AHDC1: variants seen among roughly 807,000 people sequenced by gnomAD.
AHDC1 encodes the protein AT-hook DNA binding motif containing 1.
In AHDC1, 7 loss-of-function variants were observed where a neutral mutation model predicts 87.9. The observed-to-expected ratio is 0.08, with a 90% CI of 0.05 to 0.15. AHDC1 has a LOEUF of 0.15. AHDC1 is among the 10% of genes least tolerant of loss of function. The pLI is 1.00. For synonymous variants in AHDC1, 1,051 were observed against 1,006.8 expected, an observed-to-expected ratio of 1.04 and a Z score of -0.83; for missense variants, 1,841 against 2,253.2, an observed-to-expected ratio of 0.82 and a Z score of 3.70.
In AHDC1 at chr1:27,549,614, G is replaced by C; in HGVS notation, c.2502C>G (p.Asn834Lys). The part of the protein sequence containing the change: ...GQTELSQERQ[N>K]LFTGYFRSLL... Reference sequence around the variant, plus strand: ...GCGAGCGAAAGTAGCCGGTGAAGAGGTTTTGGCGCTCCTGGCTGAGCTCGG... The same window carrying C: ...GCGAGCGAAAGTAGCCGGTGAAGAGCTTTTGGCGCTCCTGGCTGAGCTCGG... Residue 834 changes from asparagine (N) to lysine (K), a missense_variant, in exon 8 of 9, where the codon AAC becomes AAG. Around this residue, in one of 13 missense-constraint regions of AHDC1, gnomAD observed 8 missense variants for 28.5 expected, o/e 0.28. Coordinates refer to ENST00000673934, the MANE Select transcript of AHDC1 (RefSeq NM_001371928.1). The C allele has an allele frequency of 6.2e-7, 1 of 1,613,198 alleles. No individual in the cohort carries two copies. Among genetic ancestry groups the C allele is most frequent in the South Asian group, 1.1e-5 (1 of 91,090 alleles).
chr1:27,561,568 C>G lies in AHDC1; in HGVS notation c.-628-2685G>C, dbSNP rs1005420274. Among the ~76,000 whole-genome samples the G allele has an allele frequency of 2.0e-5, 3 of 152,048 alleles. No homozygotes were observed. Among genetic ancestry groups the G allele is most frequent in the African/African-American group, 4.8e-5 (2 of 41,370 alleles). On this transcript the variant is annotated intron_variant, in intron 3 of 8. Coordinates refer to ENST00000673934, the MANE Select transcript of AHDC1 (RefSeq NM_001371928.1). The surrounding 1 kb of genome is among the most constrained non-coding windows in gnomAD (Gnocchi z 4.2). ...AAGGCTCCCTTCACGGTGCTCCAGG[C>G]GCAAGGCAGAATCACATGTTTCCCA...
At chr1:27,576,825 C>G (rs906451794) in intron 3 of AHDC1, among the ~76,000 whole-genome samples, 11 of 152,306 alleles carry the variant, frequency 7.2e-5, no homozygotes, top group African/African-American at 2.4e-4. Context: ...GTCACCCTTA[C>G]AACAGTGGAG....
rs2020042488 is a variant in AHDC1, at chr1:27,560,786, G to A, written c.-628-1903C>T. ...TCAACATGTGTGAGCAGGTCTGTGT[G>A]CCATGGTGTGTCAGCACAACGGTGC... is the stretch of plus-strand genomic sequence containing the variant. On this transcript the variant is annotated intron_variant, in intron 3 of 8. Coordinates refer to ENST00000673934, the MANE Select transcript of AHDC1 (RefSeq NM_001371928.1). This position sits in a 1 kb window ranked among gnomAD's most constrained non-coding sequence, Gnocchi z 4.1. 6.6e-6 allele frequency among the ~76,000 whole-genome samples: 1 copy of A among 152,176 alleles called. No homozygotes were observed. Among genetic ancestry groups the A allele is most frequent in the Admixed American group, 6.5e-5 (1 of 15,282 alleles).
intron 3 of AHDC1, among the ~76,000 whole-genome samples, chr1:27,566,322 G>A (rs758380632): frequency 1.3e-5 from 2 of 151,222 alleles, no homozygotes; most frequent in Non-Finnish European, 2.9e-5. Flanking sequence ...GAGAGGGAGA[G>A]AGAGGGCGAC....
intron 3 of AHDC1, among the ~76,000 whole-genome samples, chr1:27,579,018 G>A (rs1036340719): frequency 6.7e-6 from 1 of 149,818 alleles, no homozygotes; most frequent in Non-Finnish European, 1.5e-5. Flanking sequence ...TCTATTATGT[G>A]TCTACTGGAT....
chr1:27,552,379 C>A (rs1163741945), intron 7 of AHDC1, 190 bp from the exon 8 acceptor site: 9 of 441,520 alleles, frequency 2.0e-5, no homozygotes, highest in East Asian at 1.1e-4. Context: ...GTATAGTGAG[C>A]CCCTCATGGG....
intron 3 of AHDC1, among the ~76,000 whole-genome samples, chr1:27,601,854 C>A (rs148024029): frequency 1.3e-5 from 2 of 152,326 alleles, no homozygotes; most frequent in Non-Finnish European, 2.9e-5. Context: ...GCACATGCCC[C>A]CGCCCAGCCG....
rs1408473305 is a variant in AHDC1, at chr1:27,547,243, C to G, written c.*43+18G>C. On this transcript the variant is annotated intron_variant, in intron 8 of 8. Transcript: ENST00000673934. The surrounding 1 kb of genome is among the most constrained non-coding windows in gnomAD (Gnocchi z 4.9). Reference sequence around the variant, plus strand: ...ACCCCCAGGCCTCTGCCCACTGCGCCCACATCCCCAGACTCACCCAGGAAC... The same window carrying G: ...ACCCCCAGGCCTCTGCCCACTGCGCGCACATCCCCAGACTCACCCAGGAAC... The G allele has an allele frequency of 2.0e-6, 3 of 1,482,942 alleles. No homozygotes were observed. Among genetic ancestry groups the G allele is most frequent in the Non-Finnish European group, 2.7e-6 (3 of 1,109,658 alleles). The allele number at this position is 1,482,942 out of a possible 1,614,324, so 91.9% of individuals were successfully genotyped here. A position where few individuals can be genotyped will look rare whatever the true frequency, so the allele number is the denominator to read the frequency against.
In AHDC1 at chr1:27,561,759, CAG is replaced by C. The variant is rs908109342; in HGVS notation, c.-628-2878_-628-2877del. ...AGAGAGGAAGAGGGAGAAAGATACA[CAG>C]GGAGACACAGAGACATGGGGAGAGA... On this transcript the variant is annotated intron_variant, in intron 3 of 8. Transcript: ENST00000673934. The surrounding 1 kb of genome is among the most constrained non-coding windows in gnomAD (Gnocchi z 4.2). Among the ~76,000 whole-genome samples the C allele has an allele frequency of 7.9e-5, 12 of 151,970 alleles. No individual in the cohort carries two copies. The highest frequency in any genetic ancestry group is 2.7e-4 in the African/African-American group (11 of 41,426).
At position 27,563,446 on chromosome 1, in the gene AHDC1, A is replaced by T. The variant is rs1229565993; in HGVS notation, c.-628-4563T>A. On this transcript the variant is annotated intron_variant, in intron 3 of 8. Transcript: ENST00000673934. The surrounding 1 kb of genome is among the most constrained non-coding windows in gnomAD (Gnocchi z 6.1). ...ACCACACAGCATGAGGCAGGGACAT[A>T]ACCTCGCCCCTGCCTGGGAATCCTC... is the stretch of plus-strand genomic sequence containing the variant. Among the ~76,000 whole-genome samples the T allele has an allele frequency of 6.6e-6, 1 of 152,180 alleles. No homozygotes were observed. Among genetic ancestry groups the T allele is most frequent in the Non-Finnish European group, 1.5e-5 (1 of 68,020 alleles).
In AHDC1 at chr1:27,549,711, G is replaced by A. The variant is rs1288421068; in HGVS notation, c.2405C>T (p.Ala802Val). The change falls in exon 8 of 9, where the codon GCC becomes GTC. Residue 802 changes from alanine (A) to valine (V), a missense_variant. Around this residue, in one of 13 missense-constraint regions of AHDC1, gnomAD observed 236 missense variants for 257.9 expected, o/e 0.92. Coordinates refer to ENST00000673934, the MANE Select transcript of AHDC1 (RefSeq NM_001371928.1). The stretch of plus-strand genomic sequence containing the variant: ...GGCTCCACTCTCCAGCCCAGTGGAG[G>A]CAAAGGCCCGGGCCTCGGTCCCCTG... The part of the protein sequence containing the change: ...GFQGTEARAF[A>V]STGLESGASG... The A allele has an allele frequency of 1.2e-6, 2 of 1,612,888 alleles. No homozygotes were observed. Among genetic ancestry groups the A allele is most frequent in the East Asian group, 2.2e-5 (1 of 44,852 alleles).
rs767682468 is a variant in AHDC1, at chr1:27,565,961, C to A, written c.-628-7078G>T. Among the ~76,000 whole-genome samples, 2 of 152,176 alleles carry A rather than the reference C, an allele frequency of 1.3e-5. No homozygotes were observed. The highest frequency in any genetic ancestry group is 2.9e-5 in the Non-Finnish European group (2 of 68,024). ...AACCTTGCACCCTCCATTTCAGGTT[C>A]AACCACATAAGCCCAGTGGGGCTTC... On this transcript the variant is annotated intron_variant, in intron 3 of 8. Transcript: ENST00000673934. The surrounding 1 kb of genome is among the most constrained non-coding windows in gnomAD (Gnocchi z 4.6).
chr1:27,550,685 C>T lies in AHDC1; in HGVS notation c.1431G>A (p.Lys477=). 6.2e-7 allele frequency: 1 copy of T among 1,612,724 alleles called. No homozygotes were observed. The highest frequency in any genetic ancestry group is 8.5e-7 in the Non-Finnish European group (1 of 1,179,708). ...CCAGCGATACGGGGATCTTGGCCAT[C>T]TTCACCACCATGCGCCGCACGCCCC... The part of the protein sequence containing the change: ...KCRGVRRMVV[K]MAKIPVSLGR... Residue 477 remains lysine, a synonymous_variant, in exon 8 of 9, where the codon AAG becomes AAA. Coordinates refer to ENST00000673934, the MANE Select transcript of AHDC1 (RefSeq NM_001371928.1).
Position 27,549,434 on chromosome 1 carries a change from C to T in AHDC1, c.2682G>A (p.Lys894=), listed in dbSNP as rs1182330891. The change falls in exon 8 of 9, where the codon AAG becomes AAA. Residue 894 remains lysine, a synonymous_variant. Coordinates refer to ENST00000673934, the MANE Select transcript of AHDC1 (RefSeq NM_001371928.1). The part of the protein sequence containing the change: ...GLATFPSRGA[K]ASPVAVGSSG... ...TGCTACCCACTGCCACTGGGCTGGC[C>T]TTGGCTCCCCGGCTAGGGAAGGTGG... 1 of 1,612,854 alleles carries T rather than the reference C, an allele frequency of 6.2e-7. No individual in the cohort carries two copies. Among genetic ancestry groups the T allele is most frequent in the Non-Finnish European group, 8.5e-7 (1 of 1,179,806 alleles).
intron 3 of AHDC1, among the ~76,000 whole-genome samples, chr1:27,588,174 C>A (rs1462513506): frequency 6.6e-6 from 1 of 152,226 alleles, no homozygotes; most frequent in Non-Finnish European, 1.5e-5. Flanking sequence ...ACACTTGATT[C>A]ACTTTCAGGC....
At chr1:27,583,377 A>G (rs2088961366) in intron 3 of AHDC1, among the ~76,000 whole-genome samples, 1 of 151,834 alleles carries the variant, frequency 6.6e-6, no homozygotes, top group Non-Finnish European at 1.5e-5. Context: ...ATCTCTTTCA[A>G]CTACCCATTT....
rs1416657462 is a variant in AHDC1, at chr1:27,565,474, G to A, written c.-628-6591C>T. 1.3e-5 allele frequency among the ~76,000 whole-genome samples: 2 copies of A among 152,202 alleles called. No homozygotes were observed. The highest frequency in any genetic ancestry group is 4.8e-5 in the African/African-American group (2 of 41,448). On this transcript the variant is annotated intron_variant, in intron 3 of 8. Transcript: ENST00000673934. This position sits in a 1 kb window ranked among gnomAD's most constrained non-coding sequence, Gnocchi z 4.6. ...GCAGGGGCTGCCAGTCTTGAAGGGAGGCGAGGCACTGTCCTCCACCCAACC... is the reference window on the plus strand; with the variant it reads ...GCAGGGGCTGCCAGTCTTGAAGGGAAGCGAGGCACTGTCCTCCACCCAACC...
At chr1:27,578,586 C>T (rs906607935) in intron 3 of AHDC1, among the ~76,000 whole-genome samples, 3 of 149,768 alleles carry the variant, frequency 2.0e-5, no homozygotes, top group Non-Finnish European at 3.0e-5. Flanking sequence ...AAGACTCCCT[C>T]TCAAAAAAAA....
At position 27,547,346 on chromosome 1, in the gene AHDC1, C is replaced by T. The variant is rs756868783; in HGVS notation, c.4770G>A (p.Ala1590=). ...GPKSGFLGPM[A]EPHPEDTFTV... ...TGAATGTGTCCTCGGGGTGAGGTTC[C>T]GCCATGGGCCCCAGGAAGCCGCTCT... The change falls in exon 8 of 9, where the codon GCG becomes GCA. Residue 1590 remains alanine (A), a synonymous_variant. Coordinates refer to ENST00000673934, the MANE Select transcript of AHDC1 (RefSeq NM_001371928.1). The surrounding 1 kb of genome is among the most constrained non-coding windows in gnomAD (Gnocchi z 4.9). 8 of 1,554,066 alleles carry T rather than the reference C, an allele frequency of 5.1e-6. No individual in the cohort carries two copies. The highest frequency in any genetic ancestry group is 2.3e-5 in the East Asian group (1 of 44,440).
Sources: gnomAD v4.1 joint callset for allele counts (sites outside exome capture counted in the v4.1 genomes callset) on GRCh38, gnomAD v4.1.1 for gene constraint, gnomAD v4.1.1 regional missense constraint, Gnocchi (gnomAD v3.1) non-coding constraint, MANE v1.5 for transcripts, NCBI Gene and HGNC (gene_info 2026-07-23, HGNC 2026-07-21) for gene names.